AKT3: variants seen among roughly 807,000 people sequenced by gnomAD.
The protein encoded by AKT3 is AKT serine/threonine kinase 3.
In AKT3, 15 loss-of-function variants were observed where a neutral mutation model predicts 65.3. The observed-to-expected ratio is 0.23, with a 90% CI of 0.15 to 0.35. The LOEUF is 0.35. Ranked by LOEUF, AKT3 falls within the 10% of genes least tolerant of loss-of-function variation. The pLI, the probability that AKT3 is intolerant of heterozygous loss-of-function variation, is 1.00. For synonymous variants in AKT3, 206 were observed against 183.8 expected, an observed-to-expected ratio of 1.12 and a Z score of -0.98; for missense variants, 243 against 576.5, an observed-to-expected ratio of 0.42 and a Z score of 5.92.
chr1:243,570,007 T>C (rs1406685036), intron 9 of AKT3, among the ~76,000 whole-genome samples: 1 of 152,206 alleles, frequency 6.6e-6, no homozygotes, highest in Non-Finnish European at 1.5e-5. Flanking sequence ...GGGTCCTTAA[T>C]AAAAATAAAA....
rs139011022 is a variant in AKT3, at chr1:243,706,141, C to T, written c.47-10425G>A. The stretch of plus-strand genomic sequence containing the variant: ...AAATATGGAAGCAGTGAGTCCATAA[C>T]GCAAGAAACTACCACAGAGGTGGGC... On this transcript the variant is annotated intron_variant, in intron 2 of 13. Transcript: ENST00000673466. Among the ~76,000 whole-genome samples the T allele has an allele frequency of 2.4e-4, 36 of 152,174 alleles. No individual in the cohort carries two copies. In the East Asian group the frequency reaches 6.0e-3, roughly 25 times the overall value.
At chr1:243,798,750 C>T (rs1472531650) in intron 2 of AKT3, among the ~76,000 whole-genome samples, 2 of 152,120 alleles carry the variant, frequency 1.3e-5, no homozygotes, top group African/African-American at 2.4e-5. Flanking sequence ...CAACATCCAG[C>T]TTTTTTGAAG....
intron 3 of AKT3, among the ~76,000 whole-genome samples, chr1:243,666,581 C>T (rs1479432386): frequency 2.0e-5 from 3 of 152,026 alleles, no homozygotes; most frequent in Non-Finnish European, 4.4e-5. Context: ...CATAATTTTC[C>T]ATCACCCAGG....
At position 243,548,736 on chromosome 1, in the gene AKT3, T is replaced by C. The variant is rs75838748; in HGVS notation, c.1164-3139A>G. On this transcript the variant is annotated intron_variant, in intron 11 of 13. Coordinates refer to ENST00000673466, the MANE Select transcript of AKT3 (RefSeq NM_005465.7). ...TTCACATTTTCCTAATGTTACTGAA[T>C]ACATGAGGTCATGCTTTTCCTATCA... 4.9e-3 allele frequency among the ~76,000 whole-genome samples: 741 copies of C among 152,338 alleles called. 9 individuals carry two copies. Among genetic ancestry groups the C allele is most frequent in the African/African-American group, 0.017 (696 of 41,574 alleles).
intron 12 of AKT3, among the ~76,000 whole-genome samples, chr1:243,519,714 A>G (rs569353016): frequency 6.6e-6 from 1 of 152,278 alleles, no homozygotes; most frequent in South Asian, 2.1e-4. Context: ...AGCTTTCATG[A>G]GAAATCATTA....
At chr1:243,772,059 A>C (rs894479468) in intron 2 of AKT3, among the ~76,000 whole-genome samples, 39 of 152,246 alleles carry the variant, frequency 2.6e-4, no homozygotes, top group Admixed American at 1.2e-3. Flanking sequence ...TAAAGACTTA[A>C]ATGTTAGACC....
intron 2 of AKT3, among the ~76,000 whole-genome samples, chr1:243,839,824 T>G (rs887077288): frequency 7.3e-5 from 11 of 151,626 alleles, no homozygotes; most frequent in African/African-American, 2.2e-4. Context: ...ATATCAATTT[T>G]TTGTTGTTGT....
chr1:243,608,363 C>T (rs1414468367), intron 8 of AKT3, among the ~76,000 whole-genome samples: 1 of 152,116 alleles, frequency 6.6e-6, no homozygotes, highest in Non-Finnish European at 1.5e-5. Context: ...CTTTCTAGAG[C>T]ATAGACTAAG....
chr1:243,622,233 T>C lies in AKT3; in HGVS notation c.562-7072A>G, dbSNP rs1678810746. ...ATTGCTATTTCCCCTTGCTGGAACATTCTTCCTTCAAAATATCTAAAGGAC... is the reference window on the plus strand; with the variant it reads ...ATTGCTATTTCCCCTTGCTGGAACACTCTTCCTTCAAAATATCTAAAGGAC... On this transcript the variant is annotated intron_variant, in intron 6 of 13. Coordinates refer to ENST00000673466, the MANE Select transcript of AKT3 (RefSeq NM_005465.7). 1.3e-5 allele frequency among the ~76,000 whole-genome samples: 2 copies of C among 152,216 alleles called. 1 individual carries two copies. Among genetic ancestry groups the C allele is most frequent in the South Asian group, 4.1e-4 (2 of 4,828 alleles).
At chr1:243,842,677 C>T (rs939992703) in intron 2 of AKT3, among the ~76,000 whole-genome samples, 2 of 152,118 alleles carry the variant, frequency 1.3e-5, no homozygotes, top group Admixed American at 6.6e-5. Flanking sequence ...CATGAGTTTG[C>T]GGGTGAACCC....
chr1:243,789,470 T>C (rs1691481267), intron 2 of AKT3, among the ~76,000 whole-genome samples: 1 of 152,258 alleles, frequency 6.6e-6, no homozygotes, highest in Non-Finnish European at 1.5e-5. Flanking sequence ...ACAATTCAGT[T>C]CCATCTTCAG....
At chr1:243,827,149 T>C (rs1254093460) in intron 2 of AKT3, among the ~76,000 whole-genome samples, 5 of 152,324 alleles carry the variant, frequency 3.3e-5, no homozygotes, top group South Asian at 2.1e-4. Flanking sequence ...CTTTTATCTT[T>C]ATAAACTGGA....
chr1:243,604,969 T>G (rs1285992492), intron 8 of AKT3, among the ~76,000 whole-genome samples: 1 of 152,214 alleles, frequency 6.6e-6, no homozygotes. Flanking sequence ...CTGTCATCTC[T>G]CGACATAGTT....
intron 3 of AKT3, 36 bp downstream of exon 3, chr1:243,695,555 A>C (rs778951938): frequency 9.2e-6 from 14 of 1,528,810 alleles, no homozygotes; most frequent in Middle Eastern, 1.8e-4. Flanking sequence ...AAAAATAAAT[A>C]AATACAAGAT....
Position 243,778,466 on chromosome 1 carries a change from T to C in AKT3, c.46+64659A>G, listed in dbSNP as rs576758796. 2.6e-5 allele frequency among the ~76,000 whole-genome samples: 4 copies of C among 152,214 alleles called. No individual in the cohort carries two copies. In the South Asian group the frequency reaches 8.3e-4, roughly 32 times the overall value. On this transcript the variant is annotated intron_variant, in intron 2 of 13. Transcript: ENST00000673466. ...TACACAAATATAAAACAGTACCACA[T>C]GTGGAGAACTACTACCAGAAATTCA... is the stretch of plus-strand genomic sequence containing the variant.
chr1:243,561,893 T>C (rs1488160974), intron 10 of AKT3, among the ~76,000 whole-genome samples: 2 of 152,138 alleles, frequency 1.3e-5, no homozygotes, highest in South Asian at 2.1e-4. Flanking sequence ...TCTTCTGTAA[T>C]GTAAAGGTGT....
At chr1:243,680,213 T>C (rs1683820172) in intron 3 of AKT3, among the ~76,000 whole-genome samples, 1 of 152,062 alleles carries the variant, frequency 6.6e-6, no homozygotes, top group African/African-American at 2.4e-5. Context: ...AGAAAGACAA[T>C]GACAAATTGG....
At chr1:243,802,076 T>A (rs1692414009) in intron 2 of AKT3, among the ~76,000 whole-genome samples, 1 of 152,200 alleles carries the variant, frequency 6.6e-6, no homozygotes, top group Non-Finnish European at 1.5e-5. Context: ...CACAATCATC[T>A]TAAATAATAC....
intron 9 of AKT3, among the ~76,000 whole-genome samples, chr1:243,568,432 GGAGA>G (rs979892198): frequency 6.6e-6 from 1 of 151,136 alleles, no homozygotes; most frequent in African/African-American, 2.4e-5. Flanking sequence ...ATGCTTTTGA[GGAGA>G]GAGAAAAAAA....
Sources: allele counts gnomAD v4.1 joint callset (sites outside exome capture counted in the v4.1 genomes callset), GRCh38; gene constraint gnomAD v4.1.1; transcripts MANE v1.5; gene names NCBI Gene and HGNC (gene_info 2026-07-23, HGNC 2026-07-21).